The following SH3D21 variants were observed in gnomAD, a reference collection of about 807,000 sequenced individuals.
SH3D21 encodes the protein SH3 domain-containing protein 21.
SH3D21 carries 83 observed loss-of-function variants against 82.1 expected under a neutral mutation model. That is an observed-to-expected ratio of 1.01 (90% CI 0.85 to 1.21). SH3D21 has a LOEUF of 1.21. SH3D21 is among the 50% of genes most tolerant of loss of function. The pLI is 0.00. For missense variants in SH3D21, 980 were observed against 962.1 expected (o/e 1.02, Z -0.25); for synonymous variants, 383 against 387.8 (o/e 0.99, Z 0.15).
chr1:36,321,282 G>A lies in SH3D21; in HGVS notation c.*155G>A. The A allele has an allele frequency of 6.9e-7, 1 of 1,447,092 alleles. No homozygotes were observed. The allele number at this position is 1,447,092 out of a possible 1,614,324, so 89.6% of individuals were successfully genotyped here. A position where few individuals can be genotyped will look rare whatever the true frequency, so the allele number is the denominator to read the frequency against. On this transcript the variant is annotated 3_prime_UTR_variant, in exon 16 of 16. Transcript: ENST00000453908. This position sits in a 1 kb window ranked among gnomAD's most constrained non-coding sequence, Gnocchi z 6.1. The stretch of plus-strand genomic sequence containing the variant: ...GGGGCCTGCGCGGGGGCAGGGCCTG[G>A]GCCTCCGCATTCCTGACGGTCCCTC...
chr1:36,321,758 CG>C, downstream of SH3D21: 1 of 1,002,044 alleles, frequency 1.0e-6, no homozygotes, highest in Admixed American at 5.4e-5. The surrounding 1 kb of genome is among the most constrained non-coding windows in gnomAD (Gnocchi z 6.1). Flanking sequence ...GACAGGGCGA[CG>C]TGTGTCCAGG....
Position 36,307,764 on chromosome 1 carries a change from C to T in SH3D21, c.437-6C>T, listed in dbSNP as rs1292883275. The T allele has an allele frequency of 1.9e-6, 3 of 1,551,694 alleles. No homozygotes were observed. The Admixed American group carries it at 5.9e-5, about 30-fold the overall frequency. ...CACCCTCCCTAACCTCACTGTCCCC[C>T]ACTAGGCCTTGGTAACCCAGACATG... On this transcript the variant is annotated splice_region_variant and splice_polypyrimidine_tract_variant and intron_variant, in intron 5 of 15. Coordinates refer to ENST00000453908, the MANE Select transcript of SH3D21 (RefSeq NM_001162530.2). The surrounding 1 kb of genome is among the most constrained non-coding windows in gnomAD (Gnocchi z 5.4).
chr1:36,316,721 G>C (rs1162863382), intron 10 of SH3D21, among the ~76,000 whole-genome samples: 4 of 151,850 alleles, frequency 2.6e-5, no homozygotes, highest in Admixed American at 6.6e-5. Flanking sequence ...ACAGAGCAGA[G>C]CTGCCCTCCC....
rs1262120136 is a variant in SH3D21, at chr1:36,320,130, G to A, written c.1467G>A (p.Glu489=). The part of the protein sequence containing the change: ...APTLEKVLTP[E]LSEEEVSTRD... The stretch of plus-strand genomic sequence containing the variant: ...CTCTAGAAAAGGTCTTGACCCCAGA[G>A]CTTTCTGAAGAAGAGGTGTCCACCA... The change falls in exon 14 of 16, where the codon GAG becomes GAA. Residue 489 remains glutamate (E), a synonymous_variant. Coordinates refer to ENST00000453908, the MANE Select transcript of SH3D21 (RefSeq NM_001162530.2). The A allele has an allele frequency of 6.2e-7, 1 of 1,614,008 alleles. No individual in the cohort carries two copies. Among genetic ancestry groups the A allele is most frequent in the Admixed American group, 1.7e-5 (1 of 60,026 alleles).
At position 36,320,652 on chromosome 1, in the gene SH3D21, T is replaced by C. The variant is rs778751094; in HGVS notation, c.1989T>C (p.Pro663=). ...AAAAAACACGTCCTATCAAGCCGCC[T>C]CCAGACTCCCAAGAGACGCTCGCGC... The part of the protein sequence containing the change: ...FAQKTRPIKP[P]PDSQETLALP... The change falls in exon 14 of 16, where the codon CCT becomes CCC. Residue 663 remains proline, a synonymous_variant. Transcript: ENST00000453908. 1.5e-5 allele frequency: 25 copies of C among 1,614,138 alleles called. No homozygotes were observed. The highest frequency in any genetic ancestry group is 1.4e-4 in the South Asian group (13 of 91,086).
At chr1:36,313,727 G>A (rs1402143345) in intron 10 of SH3D21, among the ~76,000 whole-genome samples, 3 of 151,840 alleles carry the variant, frequency 2.0e-5, no homozygotes, top group African/African-American at 7.2e-5. Context: ...ACCACACCTG[G>A]CTAGTTTTTA....
In SH3D21 at chr1:36,307,224, G is replaced by A. The variant is rs777693866; in HGVS notation, c.284G>A (p.Ser95Asn). ...QRWCKVNFSYSPEQADELKLQ... is the reference protein window; with the variant it reads ...QRWCKVNFSYNPEQADELKLQ... ...TGGTGCAAAGTGAACTTCAGCTACA[G>A]CCCAGAGCAGGCGGACGAGCTGAAG... The change falls in exon 4 of 16, where the codon AGC becomes AAC. Residue 95 changes from serine to asparagine, a missense_variant. Transcript: ENST00000453908. This position sits in a 1 kb window ranked among gnomAD's most constrained non-coding sequence, Gnocchi z 5.4. 101 of 1,551,808 alleles carry A rather than the reference G, an allele frequency of 6.5e-5. 2 individuals carry two copies. The Middle Eastern group carries it at 8.3e-4, about 13-fold the overall frequency.
Position 36,321,029 on chromosome 1 carries a change from CAA to C in SH3D21, c.2200-25_2200-24del, listed in dbSNP as rs759500205. On this transcript the variant is annotated intron_variant, in intron 15 of 15. Transcript: ENST00000453908. This position sits in a 1 kb window ranked among gnomAD's most constrained non-coding sequence, Gnocchi z 6.1. ...GGGCTGACGGCGAGTGGCCCCCTGACAAAGTCTCCACCTCACTCCCGACCAGG... is the reference window on the plus strand; with the variant it reads ...GGGCTGACGGCGAGTGGCCCCCTGACAGTCTCCACCTCACTCCCGACCAGG... 8.7e-6 allele frequency: 14 copies of C among 1,601,992 alleles called. No homozygotes were observed. In the African/African-American group the frequency reaches 1.5e-4, roughly 17 times the overall value.
At chr1:36,316,763 CTTT>C (rs34474512) in intron 10 of SH3D21, among the ~76,000 whole-genome samples, 36 of 135,632 alleles carry the variant, frequency 2.7e-4, no homozygotes, top group Non-Finnish European at 3.0e-4. Context: ...AGTTCTCTCT[CTTT>C]TTTTTTTTTT....
downstream of SH3D21, chr1:36,327,648 AGGGTTGAGATGAT>A: frequency 1.7e-6 from 2 of 1,190,664 alleles, no homozygotes; most frequent in South Asian, 3.1e-5. Flanking sequence ...GAGCAGGATG[AGGGTTGAGATGAT>A]GGTTGCTGGT....
At chr1:36,319,335 G>T (rs1323819820) in intron 12 of SH3D21, 23 bp downstream of exon 12, 3 of 1,550,980 alleles carry the variant, frequency 1.9e-6, no homozygotes, top group East Asian at 2.4e-5. Context: ...TTCCTCCAGT[G>T]CGGGGAGGAC....
At chr1:36,308,837 G>A (rs1277767741) in intron 9 of SH3D21, among the ~76,000 whole-genome samples, 1 of 151,978 alleles carries the variant, frequency 6.6e-6, no homozygotes, top group Non-Finnish European at 1.5e-5. Context: ...ACAAAAATTA[G>A]CTGGGCGTGG....
At position 36,306,705 on chromosome 1, in the gene SH3D21, C is replaced by G. The variant is rs753133421; in HGVS notation, c.112C>G (p.Arg38Gly). Residue 38 changes from arginine (R) to glycine (G), a missense_variant, in exon 2 of 16, where the codon CGC becomes GGC. Physicochemically the swap from Arg to Gly is moderately radical, Grantham distance 125. Transcript: ENST00000453908. The surrounding 1 kb of genome is among the most constrained non-coding windows in gnomAD (Gnocchi z 4.5). Reference protein sequence around the residue: ...VRWVPARGWLRGEFGGRYGLF... With the variant: ...VRWVPARGWLGGEFGGRYGLF... ...CTGGGTGCCCGCGCGGGGCTGGCTT[C>G]GCGGAGAGTTTGGGGGCCGCTATGG... 7.5e-4 allele frequency: 966 copies of G among 1,293,516 alleles called. No individual in the cohort carries two copies. Among genetic ancestry groups the G allele is most frequent in the Non-Finnish European group, 9.2e-4 (910 of 987,582 alleles). 80.1% of individuals were successfully genotyped at this position (1,293,516 alleles called of 1,614,324 possible).
At position 36,306,986 on chromosome 1, in the gene SH3D21, C is replaced by A; in HGVS notation, c.226+81C>A. The A allele has an allele frequency of 7.3e-7, 1 of 1,379,202 alleles. No homozygotes were observed. The highest frequency in any genetic ancestry group is 9.4e-7 in the Non-Finnish European group (1 of 1,059,904). 85.4% of individuals were successfully genotyped at this position (1,379,202 alleles called of 1,614,324 possible). A position where few individuals can be genotyped will look rare whatever the true frequency, so the allele number is the denominator to read the frequency against. On this transcript the variant is annotated intron_variant, in intron 3 of 15. Transcript: ENST00000453908. This position sits in a 1 kb window ranked among gnomAD's most constrained non-coding sequence, Gnocchi z 4.5. ...CCCCGGCGTCTCCGGCTCTTAGTGA[C>A]GGGCGCGGCTCTGGGCGGGACCTCG...
In SH3D21 at chr1:36,306,838, C is replaced by T. The variant is rs1014578434; in HGVS notation, c.163-4C>T. On this transcript the variant is annotated splice_polypyrimidine_tract_variant and splice_region_variant and intron_variant, in intron 2 of 15. Coordinates refer to ENST00000453908, the MANE Select transcript of SH3D21 (RefSeq NM_001162530.2). The surrounding 1 kb of genome is among the most constrained non-coding windows in gnomAD (Gnocchi z 4.5). The stretch of plus-strand genomic sequence containing the variant: ...GAGCGCCTTCCCCGTGCCCTGATTC[C>T]CAGGAGATCCCAGAGACCCTGCGGG... 1.5e-6 allele frequency: 2 copies of T among 1,296,200 alleles called. No individual in the cohort carries two copies. Among genetic ancestry groups the T allele is most frequent in the East Asian group, 1.1e-4 (2 of 17,584 alleles). 80.3% of individuals were successfully genotyped at this position (1,296,200 alleles called of 1,614,324 possible).
Position 36,319,655 on chromosome 1 carries a change from T to G in SH3D21, c.1012-20T>G, listed in dbSNP as rs1274795954. ...AACCAGACTCAACCTCAGCTGAGAC[T>G]TCACCTCCCATCACGGCAGGAGGAA... On this transcript the variant is annotated intron_variant, in intron 13 of 15. Transcript: ENST00000453908. 29 of 1,564,576 alleles carry G rather than the reference T, an allele frequency of 1.9e-5. No individual in the cohort carries two copies. Among genetic ancestry groups the G allele is most frequent in the Non-Finnish European group, 2.4e-5 (28 of 1,155,048 alleles).
intron 10 of SH3D21, among the ~76,000 whole-genome samples, chr1:36,318,325 G>A (rs1174839240): frequency 6.6e-6 from 1 of 152,156 alleles, no homozygotes; most frequent in Non-Finnish European, 1.5e-5. Context: ...CTCTCCAAGT[G>A]TAAATATTGA....
chr1:36,325,606 G>A (rs1261792946), downstream of SH3D21, among the ~76,000 whole-genome samples: 3 of 152,018 alleles, frequency 2.0e-5, no homozygotes, highest in East Asian at 1.9e-4. Context: ...GTGCAGTGGC[G>A]CGATCTCGGC....
Position 36,307,075 on chromosome 1 carries a change from G to T in SH3D21, c.227-92G>T. The T allele has an allele frequency of 6.6e-7, 1 of 1,523,894 alleles. No homozygotes were observed. The highest frequency in any genetic ancestry group is 8.8e-7 in the Non-Finnish European group (1 of 1,132,366). The allele number at this position is 1,523,894 out of a possible 1,614,324, so 94.4% of individuals were successfully genotyped here. Reference sequence around the variant, plus strand: ...TGCTCCGCCCTGGGGCGGGGCTGGAGGGACCAAAGGCTACGTGCGCGCCTT... The same window carrying T: ...TGCTCCGCCCTGGGGCGGGGCTGGATGGACCAAAGGCTACGTGCGCGCCTT... On this transcript the variant is annotated intron_variant, in intron 3 of 15. Coordinates refer to ENST00000453908, the MANE Select transcript of SH3D21 (RefSeq NM_001162530.2). This position sits in a 1 kb window ranked among gnomAD's most constrained non-coding sequence, Gnocchi z 5.4.
Sources: gnomAD v4.1 joint callset for allele counts (sites outside exome capture counted in the v4.1 genomes callset) on GRCh38, gnomAD v4.1.1 for gene constraint, Gnocchi (gnomAD v3.1) non-coding constraint, MANE v1.5 for transcripts, NCBI Gene and HGNC (gene_info 2026-07-23, HGNC 2026-07-21) for gene names.